Variants in CACNG4 observed in about 807,000 individuals in gnomAD.
CACNG4 encodes calcium voltage-gated channel auxiliary subunit gamma 4.
A neutral mutation model predicts 22.9 loss-of-function variants in CACNG4; 8 were observed. That is an observed-to-expected ratio of 0.35 (90% confidence interval 0.21 to 0.63). The LOEUF (loss-of-function observed/expected upper bound fraction) is 0.63, where lower values mean the gene tolerates loss of function less well. Ranked by LOEUF, CACNG4 falls within the 30% of genes least tolerant of loss-of-function variation. The pLI, the probability that CACNG4 is intolerant of heterozygous loss-of-function variation, is 0.72. For missense variants in CACNG4, 357 were observed against 455.4 expected (o/e 0.78, Z 1.97); for synonymous variants, 188 against 191.9 (o/e 0.98, Z 0.17).
At chr17:67,005,870 C>T (rs1387554883) in intron 1 of CACNG4, among the ~76,000 whole-genome samples, 2 of 152,176 alleles carry the variant, frequency 1.3e-5, no homozygotes, top group African/African-American at 4.8e-5. Context: ...ACAATGGGCC[C>T]GAGTCACTAT....
intron 1 of CACNG4, among the ~76,000 whole-genome samples, chr17:66,981,784 A>C (rs112707316): frequency 6.6e-6 from 1 of 152,242 alleles, no homozygotes; most frequent in Non-Finnish European, 1.5e-5. Context: ...AGCCCTTGCT[A>C]TGCACCAAGC....
intron 1 of CACNG4, among the ~76,000 whole-genome samples, chr17:66,967,055 ACCCAGGG>A (rs975890946): frequency 3.3e-5 from 5 of 152,218 alleles, no homozygotes; most frequent in African/African-American, 1.2e-4. Context: ...GCATGTGTGG[ACCCAGGG>A]CCTTCCAGTT....
chr17:66,975,855 G>T (rs2143280741), intron 1 of CACNG4, among the ~76,000 whole-genome samples: 1 of 152,378 alleles, frequency 6.6e-6, no homozygotes, highest in East Asian at 1.9e-4. Context: ...CACCCAGGCT[G>T]TGGCTGGGCT....
intron 1 of CACNG4, among the ~76,000 whole-genome samples, chr17:66,978,529 C>G (rs1249519396): frequency 6.6e-6 from 1 of 152,138 alleles, no homozygotes; most frequent in African/African-American, 2.4e-5. Context: ...CCCAAAGACT[C>G]CCTGAGGACA....
At chr17:66,988,384 G>C (rs1040895552) in intron 1 of CACNG4, among the ~76,000 whole-genome samples, 17 of 152,162 alleles carry the variant, frequency 1.1e-4, no homozygotes, top group African/African-American at 4.1e-4. Flanking sequence ...GAGAGGAAAA[G>C]GCCCTTGAAT....
intron 1 of CACNG4, among the ~76,000 whole-genome samples, 199 bp from the exon 2 acceptor site, chr17:67,017,990 C>G (rs995059351): frequency 6.6e-6 from 1 of 152,068 alleles, no homozygotes; most frequent in Admixed American, 6.6e-5. Context: ...ACCTTTGGGG[C>G]ATATCTCTCC....
intron 1 of CACNG4, among the ~76,000 whole-genome samples, chr17:66,972,340 C>T (rs965567413): frequency 6.6e-6 from 1 of 152,162 alleles, no homozygotes; most frequent in African/African-American, 2.4e-5. Context: ...TCACCTGTAG[C>T]ACTGCTGACA....
intron 3 of CACNG4, among the ~76,000 whole-genome samples, chr17:67,028,829 A>G (rs2035584325): frequency 6.6e-6 from 1 of 152,230 alleles, no homozygotes; most frequent in Non-Finnish European, 1.5e-5. Context: ...CTCCCTTAGA[A>G]TAAGAGAGAA....
intron 1 of CACNG4, among the ~76,000 whole-genome samples, chr17:66,987,361 T>C (rs979832015): frequency 6.6e-6 from 1 of 152,246 alleles, no homozygotes; most frequent in East Asian, 1.9e-4. Flanking sequence ...CCTCTACCCA[T>C]GTGAGAATTC....
chr17:66,995,641 G>A (rs2035369350), intron 1 of CACNG4, among the ~76,000 whole-genome samples: 1 of 152,162 alleles, frequency 6.6e-6, no homozygotes, highest in African/African-American at 2.4e-5. Context: ...CATGAGGTCA[G>A]GAGTTCGAGA....
intron 2 of CACNG4, 47 bp from the exon 3 acceptor site, chr17:67,024,813 C>T: frequency 1.4e-6 from 2 of 1,453,564 alleles, no homozygotes; most frequent in Non-Finnish European, 1.8e-6. Context: ...CGGGAGGGCA[C>T]CTGATCTCAC....
At chr17:67,016,187 T>C (rs765805880) in intron 1 of CACNG4, among the ~76,000 whole-genome samples, 79 of 152,294 alleles carry the variant, frequency 5.2e-4, no homozygotes, top group South Asian at 1.2e-3. Context: ...GTAATTCTCC[T>C]AAGATCCCCA....
intron 1 of CACNG4, 69 bp downstream of exon 1, chr17:66,965,200 G>T (rs1256831789): frequency 8.1e-6 from 5 of 615,770 alleles, no homozygotes; most frequent in African/African-American, 2.3e-5. Context: ...ACACACGCGC[G>T]CGCGCGCGCG....
chr17:67,002,143 T>C (rs113951996), intron 1 of CACNG4, among the ~76,000 whole-genome samples: 1,879 of 152,326 alleles, frequency 0.012, 20 homozygotes, highest in Non-Finnish European at 0.017. Context: ...TCCACGTGGC[T>C]GGAGAGGCCT....
intron 3 of CACNG4, among the ~76,000 whole-genome samples, chr17:67,025,276 C>T (rs150035972): frequency 6.6e-6 from 1 of 152,332 alleles, no homozygotes; most frequent in East Asian, 1.9e-4. Context: ...GGATTGTGCC[C>T]TTCAAAAGGG....
At chr17:66,978,657 C>T (rs965717832) in intron 1 of CACNG4, among the ~76,000 whole-genome samples, 1 of 152,238 alleles carries the variant, frequency 6.6e-6, no homozygotes, top group Non-Finnish European at 1.5e-5. Flanking sequence ...CGGCCCTCAG[C>T]TCTGAAAAGC....
chr17:67,032,163 T>C lies in CACNG4; in HGVS notation c.*1159T>C. The stretch of plus-strand genomic sequence containing the variant: ...CCTAACAGGACGGAGTGGAGTGAGT[T>C]TGGATAAACGGACCGAGCTGGGCTT... On this transcript the variant is annotated 3_prime_UTR_variant, in exon 4 of 4. Transcript: ENST00000262138. 2.7e-6 allele frequency: 1 copy of C among 370,616 alleles called. No homozygotes were observed. Among genetic ancestry groups the C allele is most frequent in the Non-Finnish European group, 5.3e-6 (1 of 187,932 alleles). The allele number at this position is 370,616 out of a possible 1,614,324, so 23.0% of individuals were successfully genotyped here.
Position 67,030,611 on chromosome 17 carries a change from C to T in CACNG4, c.591C>T (p.Thr197=), listed in dbSNP as rs759105681. The part of the protein sequence containing the change: ...FGALSFIVAE[T]VGVLAVNIYI... ...CTCTGTCTTTCATTGTGGCTGAGAC[C>T]GTGGGCGTCCTGGCTGTAAACATTT... The change falls in exon 4 of 4, where the codon ACC becomes ACT. Residue 197 remains threonine (T), a synonymous_variant. Transcript: ENST00000262138. This position sits in a 1 kb window ranked among gnomAD's most constrained non-coding sequence, Gnocchi z 6.4. The T allele has an allele frequency of 6.8e-6, 11 of 1,614,066 alleles. No homozygotes were observed. Among genetic ancestry groups the T allele is most frequent in the East Asian group, 2.2e-5 (1 of 44,904 alleles).
intron 1 of CACNG4, among the ~76,000 whole-genome samples, chr17:66,996,673 G>A (rs1345772214): frequency 1.3e-5 from 2 of 152,150 alleles, no homozygotes; most frequent in South Asian, 2.1e-4. Context: ...GAGCCAGCGT[G>A]CCCAGCCCAT....
Sources: gnomAD v4.1 joint callset for allele counts (sites outside exome capture counted in the v4.1 genomes callset) on GRCh38, gnomAD v4.1.1 for gene constraint, Gnocchi (gnomAD v3.1) non-coding constraint, MANE v1.5 for transcripts, NCBI Gene and HGNC (gene_info 2026-07-23, HGNC 2026-07-21) for gene names.